Variants in SPP2 observed in about 807,000 individuals in gnomAD.
SPP2 encodes secreted phosphoprotein 2.
A neutral mutation model predicts 28.8 loss-of-function variants in SPP2; 34 were observed. That is an observed-to-expected ratio of 1.18 (90% CI 0.90 to 1.57). SPP2 has a LOEUF of 1.57. Among genes scored for constraint, SPP2 ranks in the 40% most tolerant of loss-of-function variants. The pLI, the probability that SPP2 is intolerant of heterozygous loss-of-function variation, is 0.00. For synonymous variants in SPP2, 96 were observed against 89.4 expected (o/e 1.07, Z -0.42); for missense variants, 269 against 263.9 (o/e 1.02, Z -0.13).
At chr2:234,070,770 C>T (rs1414528526) in intron 7 of SPP2, among the ~76,000 whole-genome samples, 6 of 152,148 alleles carry the variant, frequency 3.9e-5, no homozygotes, top group Non-Finnish European at 8.8e-5. Context: ...CCGACGTATG[C>T]TTTAAATACT....
intron 7 of SPP2, among the ~76,000 whole-genome samples, chr2:234,075,060 CA>C (rs1290051767): frequency 1.3e-5 from 2 of 149,400 alleles, no homozygotes; most frequent in Non-Finnish European, 3.0e-5. Flanking sequence ...CACTTGTTGA[CA>C]GCAGGAGAGC....
intron 2 of SPP2, among the ~76,000 whole-genome samples, chr2:234,053,983 T>C (rs189621078): frequency 1.1e-4 from 16 of 152,200 alleles, no homozygotes; most frequent in African/African-American, 3.9e-4. Context: ...TAAACCAAAT[T>C]CATTTCCAAT....
chr2:234,066,862 G>A (rs958142517), intron 5 of SPP2, among the ~76,000 whole-genome samples: 5 of 152,124 alleles, frequency 3.3e-5, no homozygotes, highest in African/African-American at 7.2e-5. Context: ...CCAAGTAAGC[G>A]GAGCCAGTGT....
chr2:234,058,660 T>C (rs1693655832), intron 2 of SPP2, among the ~76,000 whole-genome samples, 176 bp from the exon 3 acceptor site: 1 of 152,208 alleles, frequency 6.6e-6, no homozygotes, highest in Non-Finnish European at 1.5e-5. Flanking sequence ...GTTAAGTCAC[T>C]TTTCCTCTCT....
At position 234,076,982 on chromosome 2, in the gene SPP2, A is replaced by G. The variant is rs992377523; in HGVS notation, c.*148A>G. The G allele has an allele frequency of 6.6e-6, 1 of 152,076 alleles. No individual in the cohort carries two copies. Among genetic ancestry groups the G allele is most frequent in the Non-Finnish European group, 1.5e-5 (1 of 68,030 alleles). The allele number at this position is 152,076 out of a possible 1,614,324, so 9.4% of individuals were successfully genotyped here. On this transcript the variant is annotated 3_prime_UTR_variant, in exon 8 of 8. Transcript: ENST00000168148. Reference sequence around the variant, plus strand: ...GCCTCCAAAGCTGGAATGTGAACGCATGCCACGGTGGTCTGACCCTCACAC... The same window carrying G: ...GCCTCCAAAGCTGGAATGTGAACGCGTGCCACGGTGGTCTGACCCTCACAC...
Position 234,053,372 on chromosome 2 carries a change from G to A in SPP2, c.210+2277G>A, listed in dbSNP as rs117095364. ...AGTGGTTTAGTCATGAGTATTTGGG[G>A]GTACAGTTCAATGGTTGTAGGGAGA... On this transcript the variant is annotated intron_variant, in intron 2 of 7. Coordinates refer to ENST00000168148, the MANE Select transcript of SPP2 (RefSeq NM_006944.3). 2.5e-3 allele frequency among the ~76,000 whole-genome samples: 383 copies of A among 152,202 alleles called. 7 individuals carry two copies. Among genetic ancestry groups the A allele is most frequent in the East Asian group, 0.021 (109 of 5,182 alleles).
At chr2:234,058,470 T>C (rs2284293) in intron 2 of SPP2, among the ~76,000 whole-genome samples, 63,740 of 152,058 alleles carry the variant, frequency 0.42, 14,400 homozygotes, top group African/African-American at 0.59. Flanking sequence ...AAAGTAAGTG[T>C]TACTAGTATT....
chr2:234,070,733 A>G lies in SPP2; in HGVS notation c.*10+710A>G, dbSNP rs112611585. Among the ~76,000 whole-genome samples, 1,333 of 152,306 alleles carry G rather than the reference A, an allele frequency of 8.8e-3. 15 individuals carry two copies. Among genetic ancestry groups the G allele is most frequent in the Non-Finnish European group, 0.012 (843 of 68,018 alleles). On this transcript the variant is annotated intron_variant, in intron 7 of 7. Coordinates refer to ENST00000168148, the MANE Select transcript of SPP2 (RefSeq NM_006944.3). Reference sequence around the variant, plus strand: ...TGCCTCAGCCTCCCAAAGTGCTAGGATTACAGGTGTGAGCCACCACGCCTG... The same window carrying G: ...TGCCTCAGCCTCCCAAAGTGCTAGGGTTACAGGTGTGAGCCACCACGCCTG...
At chr2:234,058,030 TCA>T (rs1693642549) in intron 2 of SPP2, among the ~76,000 whole-genome samples, 2 of 152,188 alleles carry the variant, frequency 1.3e-5, no homozygotes, top group African/African-American at 4.8e-5. Flanking sequence ...GAGCCTTGGG[TCA>T]CAACATTTTC....
At chr2:234,051,531 T>C (rs1693498261) in intron 2 of SPP2, among the ~76,000 whole-genome samples, 2 of 152,222 alleles carry the variant, frequency 1.3e-5, no homozygotes, top group South Asian at 4.1e-4. Context: ...TAATAGTCTG[T>C]TTCCTCTTAG....
At chr2:234,075,481 C>T (rs1463106494) in intron 7 of SPP2, among the ~76,000 whole-genome samples, 1 of 152,200 alleles carries the variant, frequency 6.6e-6, no homozygotes, top group Non-Finnish European at 1.5e-5. Context: ...TCCTCCTGGA[C>T]CTCACGGCCG....
intron 7 of SPP2, among the ~76,000 whole-genome samples, chr2:234,076,369 T>A (rs946464634): frequency 6.6e-6 from 1 of 152,136 alleles, no homozygotes; most frequent in Non-Finnish European, 1.5e-5. Context: ...TCAGCTTACA[T>A]GCCCTCTTCA....
At chr2:234,075,371 A>AT (rs1026617868) in intron 7 of SPP2, among the ~76,000 whole-genome samples, 2 of 152,024 alleles carry the variant, frequency 1.3e-5, no homozygotes, top group African/African-American at 4.8e-5. Flanking sequence ...CACCATCTGC[A>AT]TTAGTTCCCC....
intron 2 of SPP2, among the ~76,000 whole-genome samples, 162 bp from the exon 3 acceptor site, chr2:234,058,674 C>A (rs1235932218): frequency 6.6e-6 from 1 of 152,194 alleles, no homozygotes; most frequent in Non-Finnish European, 1.5e-5. Context: ...CCTCTCTGGT[C>A]TGCAGAAGAA....
At position 234,050,844 on chromosome 2, in the gene SPP2, C is replaced by A. The variant is rs1410057925; in HGVS notation, c.58C>A (p.Leu20Ile). 6.2e-7 allele frequency: 1 copy of A among 1,613,944 alleles called. No individual in the cohort carries two copies. The highest frequency in any genetic ancestry group is 8.5e-7 in the Non-Finnish European group (1 of 1,179,964). The part of the protein sequence containing the change: ...MMMKILIMFA[L>I]GMNYWSCSGF... ...GATGAAGATATTGATTATGTTTGCT[C>A]TTGGAATGAACTACTGGTCTTGCTC... The change falls in exon 1 of 8, where the codon CTT (leucine) becomes ATT (isoleucine). Residue 20 changes from leucine (L) to isoleucine (I), a missense_variant. Leu to Ile is a conservative substitution (Grantham distance 5). Coordinates refer to ENST00000168148, the MANE Select transcript of SPP2 (RefSeq NM_006944.3).
chr2:234,063,303 T>C (rs996671075), intron 4 of SPP2, among the ~76,000 whole-genome samples: 1 of 151,706 alleles, frequency 6.6e-6, no homozygotes, highest in Non-Finnish European at 1.5e-5. Flanking sequence ...TAAAGATCAC[T>C]TGAAAAACAT....
chr2:234,051,926 C>A lies in SPP2; in HGVS notation c.210+831C>A, dbSNP rs1507516. 4.8e-3 allele frequency among the ~76,000 whole-genome samples: 724 copies of A among 152,294 alleles called. 2 individuals carry two copies. The highest frequency in any genetic ancestry group is 7.5e-3 in the Non-Finnish European group (511 of 68,018). On this transcript the variant is annotated intron_variant, in intron 2 of 7. Coordinates refer to ENST00000168148, the MANE Select transcript of SPP2 (RefSeq NM_006944.3). Reference sequence around the variant, plus strand: ...CTGTCTGCCTGCTGCCTTCTCCCATCCCTCCTGGACTGACTCTTAGCTTGT... The same window carrying A: ...CTGTCTGCCTGCTGCCTTCTCCCATACCTCCTGGACTGACTCTTAGCTTGT...
At chr2:234,056,878 C>T (rs750774414) in intron 2 of SPP2, among the ~76,000 whole-genome samples, 38 of 151,988 alleles carry the variant, frequency 2.5e-4, no homozygotes, top group Middle Eastern at 3.4e-3. Context: ...TAAAGATCCC[C>T]GTCCTCAGCT....
chr2:234,055,084 C>T (rs1438421996), intron 2 of SPP2, among the ~76,000 whole-genome samples: 2 of 152,020 alleles, frequency 1.3e-5, no homozygotes, highest in African/African-American at 4.8e-5. Flanking sequence ...GAGGGTTCTC[C>T]AGAGAAACAG....
Sources: gnomAD v4.1 joint callset for allele counts (sites outside exome capture counted in the v4.1 genomes callset) on GRCh38, gnomAD v4.1.1 for gene constraint, MANE v1.5 for transcripts, NCBI Gene and HGNC (gene_info 2026-07-23, HGNC 2026-07-21) for gene names.